PLA2G5: variants seen among roughly 807,000 people sequenced by gnomAD.
PLA2G5 encodes the protein Ca2+-dependent phospholipase A2.
PLA2G5 carries 12 observed loss-of-function variants against 15.9 expected under a neutral mutation model. The observed-to-expected ratio is 0.76, with a 90% CI of 0.48 to 1.23. The LOEUF (loss-of-function observed/expected upper bound fraction) is 1.23, where lower values mean the gene tolerates loss of function less well. Ranked by LOEUF, PLA2G5 falls within the 50% of genes most tolerant of loss-of-function variation. The pLI, the probability that PLA2G5 is intolerant of heterozygous loss-of-function variation, is 0.00. For synonymous variants in PLA2G5, 71 were observed against 71.4 expected (o/e 0.99, Z 0.03); for missense variants, 169 against 177.1 (o/e 0.95, Z 0.26).
intron 2 of PLA2G5, among the ~76,000 whole-genome samples, chr1:20,061,623 T>C (rs953942784): frequency 2.6e-5 from 4 of 151,520 alleles, no homozygotes; most frequent in Non-Finnish European, 5.9e-5. Flanking sequence ...TAAGCACTAT[T>C]ATGAAAGCAG....
chr1:20,032,730 C>A (rs1457388535), intron 1 of PLA2G5, among the ~76,000 whole-genome samples: 1 of 152,124 alleles, frequency 6.6e-6, no homozygotes, highest in Non-Finnish European at 1.5e-5. Context: ...GTAAAACCAT[C>A]CTCCTTCCTG....
At chr1:20,051,053 T>C (rs1340719444) in intron 1 of PLA2G5, among the ~76,000 whole-genome samples, 1 of 152,162 alleles carries the variant, frequency 6.6e-6, no homozygotes, top group Non-Finnish European at 1.5e-5. Flanking sequence ...ACTTAGTGTA[T>C]ATTATCTATA....
chr1:20,060,271 T>TTTTTTTTA (rs2014651630), intron 2 of PLA2G5, among the ~76,000 whole-genome samples: 1 of 124,750 alleles, frequency 8.0e-6, no homozygotes, highest in Non-Finnish European at 1.6e-5. Flanking sequence ...TTTTTTTTTT[T>TTTTTTTTA]GAGACAGAGT....
intron 1 of PLA2G5, among the ~76,000 whole-genome samples, chr1:20,044,119 C>T (rs773512908): frequency 6.6e-6 from 1 of 152,174 alleles, no homozygotes; most frequent in Non-Finnish European, 1.5e-5. Context: ...TGTGAGCATT[C>T]CTTGGCCCAG....
chr1:20,033,334 A>T (rs1352842115), intron 1 of PLA2G5, among the ~76,000 whole-genome samples: 1 of 152,224 alleles, frequency 6.6e-6, no homozygotes, highest in Non-Finnish European at 1.5e-5. Flanking sequence ...TAAGAGGTCC[A>T]GGCAGGAGTG....
chr1:20,085,938 C>A, intron 2 of PLA2G5, 145 bp from the exon 3 acceptor site: 1 of 733,714 alleles, frequency 1.4e-6, no homozygotes, highest in Non-Finnish European at 2.2e-6. Flanking sequence ...TTGCACCTCC[C>A]TTCCCACTAA....
At chr1:20,056,319 G>A (rs755224511) in intron 1 of PLA2G5, among the ~76,000 whole-genome samples, 6 of 151,656 alleles carry the variant, frequency 4.0e-5, no homozygotes, top group Non-Finnish European at 5.9e-5. Context: ...TGTTCCTCCT[G>A]GCTGCATCTA....
At chr1:20,050,917 T>A (rs961908450) in intron 1 of PLA2G5, among the ~76,000 whole-genome samples, 7 of 152,186 alleles carry the variant, frequency 4.6e-5, no homozygotes, top group Non-Finnish European at 1.0e-4. Context: ...TGCTTATTTG[T>A]ATAAAAATTA....
rs185162885 is a variant in PLA2G5, at chr1:20,044,536, G to A, written n.277-15096G>A. Among the ~76,000 whole-genome samples, 371 of 152,316 alleles carry A rather than the reference G, an allele frequency of 2.4e-3. 1 individual carries two copies. The highest frequency in any genetic ancestry group is 8.3e-3 in the African/African-American group (347 of 41,566). On this transcript the variant is annotated intron_variant and non_coding_transcript_variant, in intron 1 of 6. Transcript: ENST00000460175. The stretch of plus-strand genomic sequence containing the variant: ...GCCAAACAAGCCATGGACTGGGTTG[G>A]GTTTTTATATTTGATGAAAAAGAGC...
chr1:20,044,662 G>A (rs1369861745), intron 1 of PLA2G5, among the ~76,000 whole-genome samples: 2 of 152,102 alleles, frequency 1.3e-5, no homozygotes, highest in Admixed American at 1.3e-4. Context: ...GAAATTGTTG[G>A]GCAGGTGGGG....
rs1483879023 is a variant in PLA2G5, at chr1:20,076,151, A to G, written c.-11+5686A>G. Among the ~76,000 whole-genome samples, 3 of 152,312 alleles carry G rather than the reference A, an allele frequency of 2.0e-5. No homozygotes were observed. In the East Asian group the frequency reaches 5.8e-4, roughly 29 times the overall value. ...CTCCCAAAGTGCTGGTATTACAGGCATGAGCCACTGTGCCTGGCCTGGAAA... is the reference window on the plus strand; with the variant it reads ...CTCCCAAAGTGCTGGTATTACAGGCGTGAGCCACTGTGCCTGGCCTGGAAA... On this transcript the variant is annotated intron_variant, in intron 1 of 4. Coordinates refer to ENST00000375108, the MANE Select transcript of PLA2G5 (RefSeq NM_000929.3).
intron 1 of PLA2G5, among the ~76,000 whole-genome samples, chr1:20,083,017 G>A (rs1272225801): frequency 1.3e-5 from 2 of 151,970 alleles, no homozygotes; most frequent in Non-Finnish European, 2.9e-5. Flanking sequence ...TCATTGATGG[G>A]TTTAGAGAGA....
intron 1 of PLA2G5, among the ~76,000 whole-genome samples, chr1:20,043,105 C>A (rs2013707364): frequency 6.6e-6 from 1 of 151,860 alleles, no homozygotes; most frequent in East Asian, 1.9e-4. Flanking sequence ...CAGGGTCAGT[C>A]CAAGTAAAAG....
At chr1:20,042,703 C>T (rs1370347261) in intron 1 of PLA2G5, among the ~76,000 whole-genome samples, 2 of 151,800 alleles carry the variant, frequency 1.3e-5, no homozygotes, top group Non-Finnish European at 2.9e-5. Context: ...GGTGAAAGTA[C>T]CTGACCATGC....
chr1:20,083,141 G>A (rs1009330364), intron 1 of PLA2G5, among the ~76,000 whole-genome samples: 2 of 151,884 alleles, frequency 1.3e-5, no homozygotes, highest in Admixed American at 6.6e-5. Flanking sequence ...GGGGTCTAGG[G>A]CCATTTCTTT....
intron 1 of PLA2G5, among the ~76,000 whole-genome samples, chr1:20,052,750 C>G (rs1222530441): frequency 2.0e-5 from 3 of 151,994 alleles, no homozygotes; most frequent in African/African-American, 7.3e-5. Context: ...ATCTTGTGGC[C>G]CCCAAATCAC....
chr1:20,040,763 A>G (rs2013545041), intron 1 of PLA2G5, among the ~76,000 whole-genome samples: 1 of 152,210 alleles, frequency 6.6e-6, no homozygotes, highest in African/African-American at 2.4e-5. Flanking sequence ...GCTCAGGGCA[A>G]ACTTGCCTCC....
chr1:20,029,470 C>T (rs1435212357), intron 1 of PLA2G5, among the ~76,000 whole-genome samples: 2 of 152,178 alleles, frequency 1.3e-5, no homozygotes, highest in African/African-American at 4.8e-5. Flanking sequence ...CTCCTCTTGA[C>T]GTGCAGCCGC....
At chr1:20,062,438 A>T (rs972820067) in intron 2 of PLA2G5, among the ~76,000 whole-genome samples, 2 of 152,190 alleles carry the variant, frequency 1.3e-5, no homozygotes, top group Non-Finnish European at 2.9e-5. Flanking sequence ...CTCTGAGAGG[A>T]AAACTCTGGT....
Sources: gnomAD v4.1 joint callset for allele counts (sites outside exome capture counted in the v4.1 genomes callset) on GRCh38, gnomAD v4.1.1 for gene constraint, MANE v1.5 for transcripts, NCBI Gene and HGNC (gene_info 2026-07-23, HGNC 2026-07-21) for gene names.